Variants in CEP126 observed in about 807,000 individuals in gnomAD.
CEP126 encodes the protein centrosomal protein of 126 kDa.
CEP126 carries 74 observed loss-of-function variants against 107.8 expected under a neutral mutation model. That is an observed-to-expected ratio of 0.69 (90% CI 0.57 to 0.83). The LOEUF (loss-of-function observed/expected upper bound fraction) is 0.83, where lower values mean the gene tolerates loss of function less well. Ranked by LOEUF, CEP126 falls within the 40% of genes least tolerant of loss-of-function variation. The pLI is 0.00. For missense variants in CEP126, 1,237 were observed against 1,281.9 expected (o/e 0.96, Z 0.53); for synonymous variants, 449 against 446.0 (o/e 1.01, Z -0.08).
rs796734997 is a variant in CEP126 at position 101,987,643 on chromosome 11, G to A, written c.3244+602G>A. ...CACATGCATACACAGAGGAGGCAGC[G>A]CAGGGAGAGGGAATTTTTTTCTAAA... On this transcript the variant is annotated intron_variant, in intron 9 of 10. Transcript: ENST00000263468. 4.1e-5 allele frequency among the ~76,000 whole-genome samples: 6 copies of A among 144,764 alleles called. No individual in the cohort carries two copies. In the South Asian group the frequency reaches 6.8e-4, roughly 17 times the overall value. The allele number at this position is 144,764 out of a possible 152,430, so 95.0% of individuals were successfully genotyped here.
intron 2 of CEP126, among the ~76,000 whole-genome samples, chr11:101,936,556 T>C (rs1042285812): frequency 1.3e-5 from 2 of 152,172 alleles, no homozygotes; most frequent in Non-Finnish European, 2.9e-5. Flanking sequence ...TGGCTTTTAC[T>C]TTTTTGTTGG....
At chr11:101,924,591 G>A (rs1484190086) in intron 2 of CEP126, among the ~76,000 whole-genome samples, 2 of 151,966 alleles carry the variant, frequency 1.3e-5, no homozygotes, top group African/African-American at 2.4e-5. Context: ...TCAACCCCCC[G>A]AATAGCTGGG....
Position 101,958,191 on chromosome 11 carries a change from C to A in CEP126, c.530C>A (p.Ser177Tyr). 6.2e-7 allele frequency: 1 copy of A among 1,613,840 alleles called. No individual in the cohort carries two copies. The highest frequency in any genetic ancestry group is 8.5e-7 in the Non-Finnish European group (1 of 1,179,908). ...NWRAIDSALP[S>Y]ALSKNDHKHQ... Reference sequence around the variant, plus strand: ...AGAGCTATAGATTCTGCCTTGCCTTCCGCATTATCAAAAAATGATCACAAG... The same window carrying A: ...AGAGCTATAGATTCTGCCTTGCCTTACGCATTATCAAAAAATGATCACAAG... The change falls in exon 5 of 11, where the codon TCC (serine) becomes TAC (tyrosine). Residue 177 changes from serine (S) to tyrosine (Y), a missense_variant. Ser to Tyr is a moderately radical substitution (Grantham distance 144). Around this residue, in one of 3 missense-constraint regions of CEP126, gnomAD observed 1,134 missense variants for 1,150.5 expected, o/e 0.99. Coordinates refer to ENST00000263468, the MANE Select transcript of CEP126 (RefSeq NM_020802.4).
chr11:101,997,709 G>A lies in CEP126; in HGVS notation c.*66G>A. On this transcript the variant is annotated 3_prime_UTR_variant, in exon 11 of 11. Transcript: ENST00000263468. Reference sequence around the variant, plus strand: ...CCTAGGACTAGATGCATACCGTTTTGTGAAAACCAGCCATAGGAAAACATG... The same window carrying A: ...CCTAGGACTAGATGCATACCGTTTTATGAAAACCAGCCATAGGAAAACATG... 6.2e-7 allele frequency: 1 copy of A among 1,602,952 alleles called. No homozygotes were observed. Among genetic ancestry groups the A allele is most frequent in the South Asian group, 1.1e-5 (1 of 90,110 alleles).
intron 4 of CEP126, among the ~76,000 whole-genome samples, chr11:101,952,255 G>C (rs148878785): frequency 0.015 from 2,290 of 152,288 alleles, 21 homozygotes; most frequent in Non-Finnish European, 0.024. Flanking sequence ...TGGGCAGATA[G>C]GTTGGAAAAG....
At chr11:101,978,557 C>T (rs932826366) in intron 7 of CEP126, 98 bp downstream of exon 7, 6 of 714,260 alleles carry the variant, frequency 8.4e-6, no homozygotes, top group African/African-American at 3.6e-5. Context: ...AAACTGTATA[C>T]CACAACATAA....
intron 4 of CEP126, among the ~76,000 whole-genome samples, chr11:101,955,291 C>T (rs1200907371): frequency 6.6e-6 from 1 of 152,184 alleles, no homozygotes; most frequent in Non-Finnish European, 1.5e-5. Context: ...ATATGCTTGA[C>T]CATTCTGGAA....
intron 1 of CEP126, among the ~76,000 whole-genome samples, chr11:101,919,918 C>T (rs1312547786): frequency 6.6e-6 from 1 of 152,198 alleles, no homozygotes; most frequent in Non-Finnish European, 1.5e-5. Context: ...GCCGAGTTGT[C>T]ACTTTTAATA....
intron 4 of CEP126, chr11:101,956,223 C>G (rs1940886984): frequency 2.2e-6 from 1 of 456,468 alleles, no homozygotes; most frequent in Non-Finnish European, 4.4e-6. Context: ...TCTACTGCAG[C>G]CACTCTAATG....
intron 4 of CEP126, among the ~76,000 whole-genome samples, chr11:101,952,260 G>A (rs1036314567): frequency 6.6e-6 from 1 of 152,168 alleles, no homozygotes; most frequent in Non-Finnish European, 1.5e-5. Flanking sequence ...AGATAGGTTG[G>A]AAAAGAAGCC....
intron 6 of CEP126, among the ~76,000 whole-genome samples, chr11:101,974,323 G>A (rs1178672340): frequency 6.6e-6 from 1 of 152,110 alleles, no homozygotes; most frequent in Non-Finnish European, 1.5e-5. Flanking sequence ...GCTATGAGAG[G>A]AGAGGTTCAG....
chr11:101,921,599 TG>T (rs1282968370), intron 1 of CEP126, among the ~76,000 whole-genome samples: 35 of 148,698 alleles, frequency 2.4e-4, no homozygotes, highest in African/African-American at 8.2e-4. Context: ...CCCAGCTACT[TG>T]GGAGGCTGAG....
intron 3 of CEP126, among the ~76,000 whole-genome samples, chr11:101,945,405 T>G (rs1266709713): frequency 1.3e-5 from 2 of 152,182 alleles, no homozygotes; most frequent in African/African-American, 4.8e-5. Flanking sequence ...TAGCCAGTTC[T>G]CAAAGAGCTT....
intron 2 of CEP126, among the ~76,000 whole-genome samples, chr11:101,932,061 A>C (rs534773159): frequency 6.6e-6 from 1 of 152,354 alleles, no homozygotes; most frequent in African/African-American, 2.4e-5. Context: ...TCCAGGGTAA[A>C]TAGGAAGCAA....
intron 3 of CEP126, among the ~76,000 whole-genome samples, chr11:101,944,776 C>A (rs1388359366): frequency 6.6e-6 from 1 of 152,048 alleles, no homozygotes; most frequent in Admixed American, 6.5e-5. Context: ...GGTTCAAATT[C>A]ATATTTGAGA....
intron 8 of CEP126, among the ~76,000 whole-genome samples, chr11:101,982,874 G>A (rs1302636270): frequency 1.3e-5 from 2 of 152,106 alleles, no homozygotes; most frequent in African/African-American, 2.4e-5. Context: ...GACTTCATAT[G>A]ATGGGTCACA....
At chr11:101,931,843 G>A in intron 2 of CEP126, among the ~76,000 whole-genome samples, 1 of 152,122 alleles carries the variant, frequency 6.6e-6, no homozygotes, top group East Asian at 1.9e-4. Flanking sequence ...CACTTCTCAA[G>A]AGCATTTCCA....
chr11:101,929,668 G>A (rs561599632), intron 2 of CEP126, among the ~76,000 whole-genome samples: 9 of 152,138 alleles, frequency 5.9e-5, no homozygotes, highest in Non-Finnish European at 1.3e-4. Context: ...CCAGACTCAC[G>A]ACATAGTCTC....
At chr11:101,937,882 G>A (rs953355221) in intron 2 of CEP126, among the ~76,000 whole-genome samples, 3 of 151,576 alleles carry the variant, frequency 2.0e-5, no homozygotes, top group Admixed American at 1.3e-4. Context: ...GGCCGGGCGC[G>A]GTGGCTCACG....
Sources: gnomAD v4.1 joint callset for allele counts (sites outside exome capture counted in the v4.1 genomes callset) on GRCh38, gnomAD v4.1.1 for gene constraint, gnomAD v4.1.1 regional missense constraint, MANE v1.5 for transcripts, NCBI Gene and HGNC (gene_info 2026-07-23, HGNC 2026-07-21) for gene names.